NUDCD3: variants seen among roughly 807,000 people sequenced by gnomAD.
NUDCD3 encodes NudC domain containing 3, also known as nudC domain-containing protein 3.
Under a neutral mutation model 39.7 loss-of-function variants are expected in NUDCD3, and 13 were observed. The observed-to-expected ratio is 0.33, with a 90% CI of 0.21 to 0.52. The LOEUF is 0.52. NUDCD3 is among the 20% of genes least tolerant of loss of function. The probability of loss-of-function intolerance (pLI) is 0.96; values close to 1 mark genes in which losing one functional copy is unlikely to be tolerated. For synonymous variants in NUDCD3, 175 were observed against 172.4 expected, an observed-to-expected ratio of 1.02 and a Z score of -0.12; for missense variants, 453 against 458.1, an observed-to-expected ratio of 0.99 and a Z score of 0.10.
At chr7:44,444,250 T>C (rs1294267547) in intron 2 of NUDCD3, among the ~76,000 whole-genome samples, 1 of 152,120 alleles carries the variant, frequency 6.6e-6, no homozygotes, top group Non-Finnish European at 1.5e-5. Context: ...CTATCACCTG[T>C]TCCTTGGCCT....
At chr7:44,416,552 A>G (rs934043818) in intron 3 of NUDCD3, among the ~76,000 whole-genome samples, 2 of 152,102 alleles carry the variant, frequency 1.3e-5, no homozygotes, top group Admixed American at 1.3e-4. Context: ...TGACATGGGG[A>G]AAAAAAATAC....
Position 44,385,337 on chromosome 7 carries a change from C to G in NUDCD3, c.*674G>C, listed in dbSNP as rs891462340. ...CGCCACAGTCAGAGAACAGAATCCC[C>G]GCTGCATCTGGACCTGAGCCCAGAA... On this transcript the variant is annotated 3_prime_UTR_variant, in exon 6 of 6. Transcript: ENST00000355451. The G allele has an allele frequency of 4.6e-5, 7 of 152,466 alleles. No individual in the cohort carries two copies. The highest frequency in any genetic ancestry group is 7.3e-5 in the Non-Finnish European group (5 of 68,086). The allele number at this position is 152,466 out of a possible 1,614,324, so 9.4% of individuals were successfully genotyped here.
At chr7:44,452,146 T>TA (rs1430728444) in intron 2 of NUDCD3, among the ~76,000 whole-genome samples, 3 of 152,254 alleles carry the variant, frequency 2.0e-5, no homozygotes, top group Non-Finnish European at 4.4e-5. Context: ...CAACAGGAGT[T>TA]AGAGTCCCAG....
rs1419916913 is a variant in NUDCD3 at position 44,383,710 on chromosome 7, C to T, written c.*2301G>A. The T allele has an allele frequency of 6.6e-6, 1 of 152,270 alleles. No homozygotes were observed. The highest frequency in any genetic ancestry group is 1.5e-5 in the Non-Finnish European group (1 of 68,076). The allele number at this position is 152,270 out of a possible 1,614,324, so 9.4% of individuals were successfully genotyped here. A position where few individuals can be genotyped will look rare whatever the true frequency, so the allele number is the denominator to read the frequency against. On this transcript the variant is annotated 3_prime_UTR_variant, in exon 6 of 6. Coordinates refer to ENST00000355451, the MANE Select transcript of NUDCD3 (RefSeq NM_015332.4). ...AATGAGTCACCCCGCTTTCCTCGGA[C>T]CTCAGCTGGTGGGACTTAGTGGCTG... is the stretch of plus-strand genomic sequence containing the variant.
At chr7:44,393,389 A>T (rs1798556660) in intron 4 of NUDCD3, among the ~76,000 whole-genome samples, 1 of 152,162 alleles carries the variant, frequency 6.6e-6, no homozygotes, top group Non-Finnish European at 1.5e-5. Context: ...GGGGTGCTGT[A>T]TGTACCTAGG....
intron 3 of NUDCD3, among the ~76,000 whole-genome samples, chr7:44,417,897 G>C (rs1008507546): frequency 6.6e-5 from 10 of 152,160 alleles, no homozygotes; most frequent in African/African-American, 2.4e-4. Context: ...GGGATGTGGG[G>C]TGGGAAGAAG....
intron 2 of NUDCD3, among the ~76,000 whole-genome samples, chr7:44,435,386 C>T (rs1182233519): frequency 6.6e-6 from 1 of 152,110 alleles, no homozygotes; most frequent in East Asian, 1.9e-4. Context: ...GACACATGAG[C>T]CAATTTCAGA....
At chr7:44,441,128 T>C (rs1197235396) in intron 2 of NUDCD3, among the ~76,000 whole-genome samples, 1 of 152,206 alleles carries the variant, frequency 6.6e-6, no homozygotes, top group Non-Finnish European at 1.5e-5. Flanking sequence ...TGGCAATGCT[T>C]TCCCATTTGA....
At chr7:44,445,332 GC>G (rs1166969991) in intron 2 of NUDCD3, among the ~76,000 whole-genome samples, 2 of 152,298 alleles carry the variant, frequency 1.3e-5, no homozygotes, top group African/African-American at 4.8e-5. Context: ...CTAAAGATAA[GC>G]CCCAATTCTT....
rs550418654 is a variant in NUDCD3, at chr7:44,436,846, A to G, written c.510-9143T>C. Among the ~76,000 whole-genome samples, 4 of 152,276 alleles carry G rather than the reference A, an allele frequency of 2.6e-5. No homozygotes were observed. In the South Asian group the frequency reaches 6.2e-4, roughly 24 times the overall value. On this transcript the variant is annotated intron_variant, in intron 2 of 5. Transcript: ENST00000355451. ...TACAGTTTACAAATTCTTTCTAGTT[A>G]TAAGTTGTTGTCATACTTTAAAGAC...
rs1203251392 is a variant in NUDCD3, at chr7:44,420,184, T to G, written c.642+7387A>C. ...CCTGATGGAGCTGAAAAACACAGGA[T>G]GAGAACTTCGTGAAGCATACACAAG... On this transcript the variant is annotated intron_variant, in intron 3 of 5. Coordinates refer to ENST00000355451, the MANE Select transcript of NUDCD3 (RefSeq NM_015332.4). 2.6e-5 allele frequency among the ~76,000 whole-genome samples: 4 copies of G among 151,824 alleles called. No homozygotes were observed. The East Asian group carries it at 5.8e-4, about 22-fold the overall frequency.
At chr7:44,414,934 C>T (rs1798993620) in intron 3 of NUDCD3, among the ~76,000 whole-genome samples, 2 of 152,088 alleles carry the variant, frequency 1.3e-5, no homozygotes, top group Admixed American at 1.3e-4. Flanking sequence ...CCAAAAGGTA[C>T]CCAAGGTGAG....
At chr7:44,450,708 G>A (rs1270600507) in intron 2 of NUDCD3, among the ~76,000 whole-genome samples, 2 of 152,164 alleles carry the variant, frequency 1.3e-5, no homozygotes, top group East Asian at 3.9e-4. Context: ...ATGCTAGTGG[G>A]GATGTAAAGC....
intron 2 of NUDCD3, among the ~76,000 whole-genome samples, chr7:44,431,670 T>A (rs1234853965): frequency 7.5e-6 from 1 of 133,998 alleles, no homozygotes; most frequent in African/African-American, 3.2e-5. Flanking sequence ...TCTCCTTCCT[T>A]TTTTTTTTTT....
intron 3 of NUDCD3, among the ~76,000 whole-genome samples, chr7:44,422,861 A>G (rs529662300): frequency 5.3e-5 from 8 of 152,332 alleles, no homozygotes; most frequent in African/African-American, 1.7e-4. Context: ...TTTCAGGCCA[A>G]TATCCCTGAT....
rs143642544 is a variant in NUDCD3 at position 44,451,668 on chromosome 7, T to G, written c.510-23965A>C. 5.8e-3 allele frequency among the ~76,000 whole-genome samples: 885 copies of G among 152,048 alleles called. 8 individuals carry two copies. Among genetic ancestry groups the G allele is most frequent in the African/African-American group, 0.02 (833 of 41,464 alleles). ...CAGCAGGAGGGGGTCCGAAGAAACT[T>G]CTGGGGGTGATGACTGTTCATTAGC... On this transcript the variant is annotated intron_variant, in intron 2 of 5. Transcript: ENST00000355451.
intron 2 of NUDCD3, among the ~76,000 whole-genome samples, chr7:44,480,643 A>C (rs1401743656): frequency 6.6e-6 from 1 of 152,148 alleles, no homozygotes; most frequent in Non-Finnish European, 1.5e-5. Flanking sequence ...TGAGGATCAA[A>C]AATATTCCCA....
At chr7:44,408,791 G>A (rs1052153382) in intron 3 of NUDCD3, among the ~76,000 whole-genome samples, 2 of 152,184 alleles carry the variant, frequency 1.3e-5, no homozygotes, top group African/African-American at 4.8e-5. Flanking sequence ...CACTCTCCAG[G>A]CTCTCAGCAG....
At chr7:44,487,987 G>A (rs1800648588) in intron 1 of NUDCD3, among the ~76,000 whole-genome samples, 1 of 151,442 alleles carries the variant, frequency 6.6e-6, no homozygotes, top group Non-Finnish European at 1.5e-5. Context: ...AAAAAGAACA[G>A]GTTCCCAGGA....
Sources: gnomAD v4.1 joint callset for allele counts (sites outside exome capture counted in the v4.1 genomes callset) on GRCh38, gnomAD v4.1.1 for gene constraint, MANE v1.5 for transcripts, NCBI Gene and HGNC (gene_info 2026-07-23, HGNC 2026-07-21) for gene names.